Variants in PHACTR4 observed in about 807,000 individuals in gnomAD.
PHACTR4 encodes the protein protein phosphatase 1, regulatory subunit 124.
In PHACTR4, 51 loss-of-function variants were observed where a neutral mutation model predicts 72.7. The ratio of observed to expected loss-of-function variants is 0.70; its 90% confidence interval spans 0.56 to 0.89. The LOEUF (loss-of-function observed/expected upper bound fraction) is 0.89. PHACTR4 is among the 40% of genes least tolerant of loss of function. The pLI, the probability that PHACTR4 is intolerant of heterozygous loss-of-function variation, is 0.00. For synonymous variants in PHACTR4, 255 were observed against 302.5 expected, an observed-to-expected ratio of 0.84 and a Z score of 1.63; for missense variants, 731 against 861.8, an observed-to-expected ratio of 0.85 and a Z score of 1.90.
intron 1 of PHACTR4, among the ~76,000 whole-genome samples, chr1:28,383,773 G>T (rs1416868047): frequency 6.6e-6 from 1 of 152,116 alleles, no homozygotes; most frequent in Non-Finnish European, 1.5e-5. Context: ...AGGTTTTCTG[G>T]ATACAGGGTC....
intron 1 of PHACTR4, among the ~76,000 whole-genome samples, chr1:28,373,441 C>A (rs1651401812): frequency 6.6e-6 from 1 of 151,984 alleles, no homozygotes; most frequent in Non-Finnish European, 1.5e-5. Context: ...CAGGCATGTG[C>A]CAACATGCCT....
chr1:28,370,167 C>G (rs6703997), intron 1 of PHACTR4, among the ~76,000 whole-genome samples: 57,594 of 151,820 alleles, frequency 0.38, 12,497 homozygotes, highest in African/African-American at 0.59. Context: ...AGCCTGTTCC[C>G]CCGGTCCCCA....
chr1:28,473,044 G>A lies in PHACTR4; in HGVS notation c.824-510G>A, dbSNP rs541608274. Among the ~76,000 whole-genome samples, 11 of 150,730 alleles carry A rather than the reference G, an allele frequency of 7.3e-5. No homozygotes were observed. The East Asian group carries it at 2.2e-3, about 30-fold the overall frequency. ...AATCCCAACACTTTGAGAGGCCAAGGCAGGTGGATCATTTGAGGTCAGGAG... is the reference window on the plus strand; with the variant it reads ...AATCCCAACACTTTGAGAGGCCAAGACAGGTGGATCATTTGAGGTCAGGAG... On this transcript the variant is annotated intron_variant, in intron 6 of 13. Transcript: ENST00000373839.
chr1:28,489,362 C>A, intron 10 of PHACTR4, 137 bp downstream of exon 10: 1 of 667,830 alleles, frequency 1.5e-6, no homozygotes, highest in Non-Finnish European at 2.5e-6. Flanking sequence ...CTATTTATTT[C>A]CCCATGAAGG....
chr1:28,429,650 C>T (rs527612256), intron 2 of PHACTR4, among the ~76,000 whole-genome samples: 3 of 152,246 alleles, frequency 2.0e-5, no homozygotes, highest in African/African-American at 7.2e-5. Flanking sequence ...TGTTTCTTTC[C>T]TTATACTCAA....
At chr1:28,408,221 A>G (rs1654501887) in intron 2 of PHACTR4, among the ~76,000 whole-genome samples, 1 of 152,240 alleles carries the variant, frequency 6.6e-6, no homozygotes, top group South Asian at 2.1e-4. Flanking sequence ...TTTCAGAAAC[A>G]ATGTGTGCTT....
intron 2 of PHACTR4, among the ~76,000 whole-genome samples, chr1:28,444,851 T>G (rs1557818654): frequency 6.7e-6 from 1 of 149,384 alleles, no homozygotes; most frequent in Non-Finnish European, 1.5e-5. Flanking sequence ...ATGGTCTCGA[T>G]CTCCTGACCT....
intron 2 of PHACTR4, among the ~76,000 whole-genome samples, chr1:28,426,463 C>T (rs1366006128): frequency 2.0e-5 from 3 of 151,918 alleles, no homozygotes; most frequent in Non-Finnish European, 4.4e-5. Context: ...TCAAGACCAT[C>T]TGGCTAACAC....
At position 28,494,628 on chromosome 1, in the gene PHACTR4, G is replaced by A. The variant is rs560696481; in HGVS notation, c.2093+1537G>A. On this transcript the variant is annotated intron_variant, in intron 13 of 13. Transcript: ENST00000373839. Reference sequence around the variant, plus strand: ...GATCGCGCAACTGCGCTCCAACCTGGGCAACAGAGCAAGACTGTCTCTCAA... The same window carrying A: ...GATCGCGCAACTGCGCTCCAACCTGAGCAACAGAGCAAGACTGTCTCTCAA... 2.6e-5 allele frequency among the ~76,000 whole-genome samples: 4 copies of A among 152,322 alleles called. No homozygotes were observed. The Middle Eastern group carries it at 0.014, about 518-fold the overall frequency.
chr1:28,380,611 T>C (rs544199403), intron 1 of PHACTR4, among the ~76,000 whole-genome samples: 54 of 152,336 alleles, frequency 3.5e-4, no homozygotes, highest in African/African-American at 1.3e-3. Flanking sequence ...TTTCTGTTTC[T>C]GCATTAGTTT....
chr1:28,438,039 A>AC lies in PHACTR4; in HGVS notation c.17-21045dup, dbSNP rs968321159. 4.8e-5 allele frequency: 28 copies of AC among 579,390 alleles called. No homozygotes were observed. In the African/African-American group the frequency reaches 8.2e-4, roughly 17 times the overall value. The allele number at this position is 579,390 out of a possible 1,614,324, so 35.9% of individuals were successfully genotyped here. A position where few individuals can be genotyped will look rare whatever the true frequency, so the allele number is the denominator to read the frequency against. On this transcript the variant is annotated intron_variant, in intron 2 of 13. Coordinates refer to ENST00000373839, the MANE Select transcript of PHACTR4 (RefSeq NM_001048183.3). ...TTGCAGCCAAGCTCAAAAGTCAGGA[A>AC]CGGGGGTGTGGACTTTTGGGCTATG...
rs1455069670 is a variant in PHACTR4 at position 28,369,794 on chromosome 1, T to A, written c.-70T>A. On this transcript the variant is annotated 5_prime_UTR_variant, in exon 1 of 14. Transcript: ENST00000373839. ...GTAGGATTTCCGGGAGAGGCTGCTG[T>A]GGAGGCTGAGGAGGCGGCGGCGGAG... 2.2e-6 allele frequency: 1 copy of A among 459,070 alleles called. No homozygotes were observed. Among genetic ancestry groups the A allele is most frequent in the East Asian group, 6.9e-5 (1 of 14,408 alleles). The allele number at this position is 459,070 out of a possible 1,614,324, so 28.4% of individuals were successfully genotyped here.
intron 2 of PHACTR4, among the ~76,000 whole-genome samples, chr1:28,447,512 C>T (rs926568809): frequency 1.3e-5 from 2 of 151,754 alleles, no homozygotes; most frequent in South Asian, 4.1e-4. Flanking sequence ...GCCTCAGCCT[C>T]CCAAGTAGCT....
intron 2 of PHACTR4, among the ~76,000 whole-genome samples, chr1:28,449,312 G>T (rs1657759793): frequency 6.6e-6 from 1 of 151,940 alleles, no homozygotes; most frequent in Non-Finnish European, 1.5e-5. Flanking sequence ...TCTAGCCTGG[G>T]TAACATACCC....
chr1:28,384,112 C>G (rs1290389489), intron 1 of PHACTR4, among the ~76,000 whole-genome samples: 1 of 152,082 alleles, frequency 6.6e-6, no homozygotes, highest in Non-Finnish European at 1.5e-5. Context: ...GAATGTTGAC[C>G]TGAAGTTTTC....
intron 9 of PHACTR4, among the ~76,000 whole-genome samples, chr1:28,480,988 T>G (rs1343216054): frequency 2.6e-5 from 4 of 152,040 alleles, no homozygotes; most frequent in Non-Finnish European, 5.9e-5. Flanking sequence ...ATACCTAGTC[T>G]ATATGTTTAC....
At chr1:28,433,453 T>G (rs1656414152) in intron 2 of PHACTR4, among the ~76,000 whole-genome samples, 1 of 134,878 alleles carries the variant, frequency 7.4e-6, no homozygotes, top group African/African-American at 2.9e-5. Context: ...TTCTTTTTTT[T>G]CTTTTTTTCT....
intron 1 of PHACTR4, among the ~76,000 whole-genome samples, chr1:28,375,456 C>G (rs1421531239): frequency 6.6e-6 from 1 of 151,804 alleles, no homozygotes; most frequent in Non-Finnish European, 1.5e-5. Flanking sequence ...GCAGGAGGAT[C>G]ACTTTATGTT....
rs371260613 is a variant in PHACTR4, at chr1:28,434,403, C to T, written c.17-24682C>T. 3.8e-3 allele frequency among the ~76,000 whole-genome samples: 575 copies of T among 151,864 alleles called. 3 individuals carry two copies. Among genetic ancestry groups the T allele is most frequent in the African/African-American group, 0.013 (528 of 41,384 alleles). On this transcript the variant is annotated intron_variant, in intron 2 of 13. Transcript: ENST00000373839. Reference sequence around the variant, plus strand: ...GTAGCGCTATCTTGGCTCACTGCAACCTCTGCCTCCCAGGTTCAAGTGATT... The same window carrying T: ...GTAGCGCTATCTTGGCTCACTGCAATCTCTGCCTCCCAGGTTCAAGTGATT...
Sources: allele counts gnomAD v4.1 joint callset (sites outside exome capture counted in the v4.1 genomes callset), GRCh38; gene constraint gnomAD v4.1.1; transcripts MANE v1.5; gene names NCBI Gene and HGNC (gene_info 2026-07-23, HGNC 2026-07-21).